DNAH17: variants seen among roughly 807,000 people sequenced by gnomAD.
DNAH17 encodes axonemal beta dynein heavy chain 17.
In DNAH17, 376 loss-of-function variants were observed where a neutral mutation model predicts 485.6. The ratio of observed to expected loss-of-function variants is 0.77; its 90% CI spans 0.71 to 0.84. DNAH17 has a LOEUF of 0.84. Ranked by LOEUF, DNAH17 falls within the 40% of genes least tolerant of loss-of-function variation. DNAH17 has a pLI of 0.00. For missense variants in DNAH17, 6,370 were observed against 5,839.3 expected (o/e 1.09, Z -2.96); for synonymous variants, 3,031 against 2,405.9 (o/e 1.26, Z -7.60).
At chr17:78,433,913 AAGGGAGGGAAGGAAGGAGGGAGGGAAGG>A (rs1173052851) in intron 75 of DNAH17, 88 bp downstream of exon 75, 20 of 507,718 alleles carry the variant, frequency 3.9e-5, no homozygotes, top group Admixed American at 6.7e-5. Context: ...ACCAAAAGGA[AAGGGAGGGAAGGAAGGAGGGAGGGAAGG>A]AGGGAGGGAA....
intron 26 of DNAH17, 56 bp downstream of exon 26, chr17:78,514,718 T>C: frequency 6.3e-7 from 1 of 1,580,758 alleles, no homozygotes; most frequent in Non-Finnish European, 8.6e-7. Flanking sequence ...CAGCCCATCC[T>C]GCAGCAGAGC....
In DNAH17 at chr17:78,440,241, ATGCTT is replaced by A. The variant is rs2087017836; in HGVS notation, c.11677+805_11677+809del. ...TGAGCCACTGCACCTGGCCGACTTC[ATGCTT>A]TTTTTTTTTTTTTTTTTTTTTTTTT... On this transcript the variant is annotated intron_variant, in intron 72 of 80. Transcript: ENST00000389840. Among the ~76,000 whole-genome samples the A allele has an allele frequency of 5.3e-5, 6 of 113,446 alleles. No homozygotes were observed. In the South Asian group the frequency reaches 1.8e-3, roughly 34 times the overall value. The allele number at this position is 113,446 out of a possible 152,430, so 74.4% of individuals were successfully genotyped here.
At chr17:78,428,292 A>G (rs1386713405) in intron 77 of DNAH17, 5 of 579,484 alleles carry the variant, frequency 8.6e-6, no homozygotes, top group Non-Finnish European at 1.6e-5. Flanking sequence ...ACCCCCAAGG[A>G]TCCCTTTTGT....
intron 19 of DNAH17, among the ~76,000 whole-genome samples, chr17:78,533,584 C>A (rs1012418288): frequency 6.6e-6 from 1 of 152,166 alleles, no homozygotes; most frequent in African/African-American, 2.4e-5. Context: ...ACTGGTTAAG[C>A]AAAGAGAGAA....
chr17:78,532,141 T>C (rs2091257798), intron 20 of DNAH17, among the ~76,000 whole-genome samples: 1 of 152,162 alleles, frequency 6.6e-6, no homozygotes, highest in African/African-American at 2.4e-5. Context: ...CTGCTGAAAT[T>C]ATTCAAACTT....
At chr17:78,508,513 A>C (rs923237300) in intron 27 of DNAH17, among the ~76,000 whole-genome samples, 1 of 152,222 alleles carries the variant, frequency 6.6e-6, no homozygotes, top group African/African-American at 2.4e-5. Flanking sequence ...AATAATTTGC[A>C]TACTTTTCTC....
chr17:78,446,353 C>T (rs557402274), intron 69 of DNAH17, among the ~76,000 whole-genome samples: 64 of 152,034 alleles, frequency 4.2e-4, no homozygotes, highest in Non-Finnish European at 8.1e-4. Context: ...CCTCTGAGAG[C>T]TGCTCATCTG....
rs745922711 is a variant in DNAH17, at chr17:78,490,853, A to C, written c.6670-6T>G. The C allele has an allele frequency of 7.5e-6, 12 of 1,591,440 alleles. No individual in the cohort carries two copies. In the South Asian group the frequency reaches 1.1e-4, roughly 15 times the overall value. ...TTGCTGGCCAGGGTGAGGACCTAGG[A>C]GGGGGACAGCAGCCCGTGGGGTCCT... On this transcript the variant is annotated splice_polypyrimidine_tract_variant and splice_region_variant and intron_variant, in intron 43 of 80. Coordinates refer to ENST00000389840, the MANE Select transcript of DNAH17 (RefSeq NM_173628.4).
Position 78,475,277 on chromosome 17 carries a change from C to T in DNAH17, c.8511+1G>A. On this transcript the variant is annotated splice_donor_variant, in intron 54 of 80. Coordinates refer to ENST00000389840, the MANE Select transcript of DNAH17 (RefSeq NM_173628.4). LOFTEE classifies it high-confidence loss of function. ...CAGCCTATTGAACAGTAAGCTCTCACCTTGAGGTCGGGGATCCCGTAGCCC... is the reference window on the plus strand; with the variant it reads ...CAGCCTATTGAACAGTAAGCTCTCATCTTGAGGTCGGGGATCCCGTAGCCC... The T allele has an allele frequency of 1.2e-6, 2 of 1,613,988 alleles. No individual in the cohort carries two copies. The highest frequency in any genetic ancestry group is 1.7e-6 in the Non-Finnish European group (2 of 1,179,866).
intron 70 of DNAH17, 117 bp from the exon 71 acceptor site, chr17:78,444,914 T>C: frequency 9.2e-7 from 1 of 1,081,280 alleles, no homozygotes; most frequent in African/African-American, 1.6e-5. Flanking sequence ...ACCGGGGCTC[T>C]GGGATAAGGA....
intron 29 of DNAH17, 94 bp from the exon 30 acceptor site, chr17:78,506,940 G>A: frequency 6.5e-7 from 1 of 1,528,904 alleles, no homozygotes; most frequent in Non-Finnish European, 8.9e-7. Flanking sequence ...TGATCATCCT[G>A]GAGATGCCTG....
chr17:78,482,263 T>G (rs1369915025), intron 48 of DNAH17, among the ~76,000 whole-genome samples: 2 of 152,014 alleles, frequency 1.3e-5, no homozygotes, highest in Non-Finnish European at 2.9e-5. Context: ...TGGGTTCAAG[T>G]GATCCTCCTG....
At chr17:78,512,098 G>A (rs1326834909) in intron 26 of DNAH17, among the ~76,000 whole-genome samples, 1 of 152,194 alleles carries the variant, frequency 6.6e-6, no homozygotes, top group East Asian at 1.9e-4. Context: ...CTCCTAGGTG[G>A]GCACCCTCCT....
chr17:78,526,855 C>A, intron 23 of DNAH17, 25 bp downstream of exon 23: 1 of 1,558,568 alleles, frequency 6.4e-7, no homozygotes, highest in South Asian at 1.2e-5. Context: ...CCGGAAATCC[C>A]GCCACCCTGC....
At chr17:78,492,799 C>T (rs767410516) in intron 41 of DNAH17, 34 bp from the exon 42 acceptor site, 3 of 1,596,458 alleles carry the variant, frequency 1.9e-6, no homozygotes, top group Non-Finnish European at 2.6e-6. Context: ...CGTGTGACTC[C>T]ATGTTCCTGG....
chr17:78,514,495 C>T (rs1411090051), intron 26 of DNAH17, among the ~76,000 whole-genome samples: 1 of 120,292 alleles, frequency 8.3e-6, no homozygotes, highest in South Asian at 2.9e-4. Flanking sequence ...CAGAACTAGA[C>T]TCCGTCTCAA....
In DNAH17 at chr17:78,435,374, T is replaced by G. The variant is rs560680704; in HGVS notation, c.12034-1154A>C. Among the ~76,000 whole-genome samples, 12 of 152,270 alleles carry G rather than the reference T, an allele frequency of 7.9e-5. No individual in the cohort carries two copies. In the East Asian group the frequency reaches 2.3e-3, roughly 29 times the overall value. The stretch of plus-strand genomic sequence containing the variant: ...TTCCACCCACCACCGCTTCTTCCTG[T>G]GGGCCCTTGTTTTCAGAGGCCCACA... On this transcript the variant is annotated intron_variant, in intron 74 of 80. Transcript: ENST00000389840.
At position 78,574,728 on chromosome 17, in the gene DNAH17, G is replaced by T; in HGVS notation, c.330C>A (p.Ile110=). ...ACGCACTCACCTCCTCCACCACCGC[G>T]ATCAGCTGGTCCACGGGTGTGGGGC... is the stretch of plus-strand genomic sequence containing the variant. The part of the protein sequence containing the change: ...DISPTPVDQL[I]AVVEEVLSSL... Residue 110 remains isoleucine (I), a synonymous_variant, in exon 2 of 81, where the codon ATC becomes ATA. Transcript: ENST00000389840. The T allele has an allele frequency of 1.2e-6, 2 of 1,606,176 alleles. No homozygotes were observed. The highest frequency in any genetic ancestry group is 2.2e-5 in the South Asian group (2 of 90,446).
chr17:78,441,300 T>C (rs1391308059), intron 71 of DNAH17, 101 bp from the exon 72 acceptor site: 1 of 1,352,530 alleles, frequency 7.4e-7, no homozygotes, highest in Middle Eastern at 2.5e-4. Context: ...CATTTTTTGG[T>C]GGACTTTCTT....
Sources: allele counts gnomAD v4.1 joint callset (sites outside exome capture counted in the v4.1 genomes callset), GRCh38; gene constraint gnomAD v4.1.1; transcripts MANE v1.5; gene names NCBI Gene and HGNC (gene_info 2026-07-23, HGNC 2026-07-21).